FAM133A: variants seen among roughly 807,000 people sequenced by gnomAD.
The protein encoded by FAM133A is family with sequence similarity 133 member A, also known as protein FAM133A.
For missense variants in FAM133A, 159 were observed against 164.4 expected (o/e 0.97, Z 0.18); for synonymous variants, 65 against 58.6 (o/e 1.11, Z -0.50).
rs1260666515 is a variant in FAM133A, at chrX:93,679,738, G to GA, written c.-193+4989dup. On this transcript the variant is annotated intron_variant, in intron 2 of 3. Transcript: ENST00000683942. ...TCTCTTACCTCATTCCTGTCTAACT[G>GA]AAATGTGTCTTTTTTTTTTTTTTTT... Among the ~76,000 whole-genome samples the GA allele has an allele frequency of 3.2e-5, 3 of 95,235 alleles. No individual in the cohort carries two copies. The South Asian group carries it at 1.6e-3, about 52-fold the overall frequency. 82.7% of individuals were successfully genotyped at this position (95,235 alleles called of 115,157 possible).
rs376335726 is a variant in FAM133A, at chrX:93,679,915, ATTTTTTTTTTTTTTTTTTTTTTTTTTT to A, written c.-193+5180_-193+5206del. ...AGGTGTGTACCACCACTCCTGGCAA[ATTTTTTTTTTTTTTTTTTTTTTTTTTT>A]TTTTTTTTTTTTTTTTAGTAGAGAC... On this transcript the variant is annotated intron_variant, in intron 2 of 3. Coordinates refer to ENST00000683942, the MANE Select transcript of FAM133A (RefSeq NM_001171109.2). Among the ~76,000 whole-genome samples the A allele has an allele frequency of 1.3e-3, 80 of 62,415 alleles. 1 individual carries two copies. The highest frequency in any genetic ancestry group is 9.7e-3 in the Middle Eastern group (1 of 103). 54.2% of individuals were successfully genotyped at this position (62,415 alleles called of 115,157 possible). A position where few individuals can be genotyped will look rare whatever the true frequency, so the allele number is the denominator to read the frequency against.
rs1927438699 is a variant in FAM133A at position 93,711,416 on chromosome X, G to A, written c.*1250G>A. Reference sequence around the variant, plus strand: ...TGTGTCCGTATTTTCCTACAATTTGGTGCCTTGTATCTGTTGCTGATTCAC... The same window carrying A: ...TGTGTCCGTATTTTCCTACAATTTGATGCCTTGTATCTGTTGCTGATTCAC... On this transcript the variant is annotated 3_prime_UTR_variant, in exon 4 of 4. Coordinates refer to ENST00000683942, the MANE Select transcript of FAM133A (RefSeq NM_001171109.2). 1 of 122,317 alleles carries A rather than the reference G, an allele frequency of 8.2e-6. No individual in the cohort carries two copies. Among genetic ancestry groups the A allele is most frequent in the Non-Finnish European group, 1.9e-5 (1 of 53,015 alleles). The allele number at this position is 122,317 out of a possible 1,213,427, so 10.1% of individuals were successfully genotyped here.
Position 93,709,946 on chromosome X carries a change from T to G in FAM133A, c.527T>G (p.Leu176Arg), listed in dbSNP as rs775739043. The change falls in exon 4 of 4, where the codon CTC becomes CGC. Residue 176 changes from leucine to arginine, a missense_variant. Coordinates refer to ENST00000683942, the MANE Select transcript of FAM133A (RefSeq NM_001171109.2). Reference sequence around the variant, plus strand: ...GAGAAAGAAAAGGATGTAAGAAGCCTCAGCAAAAAAAGAAAGAAAAGTTAC... The same window carrying G: ...GAGAAAGAAAAGGATGTAAGAAGCCGCAGCAAAAAAAGAAAGAAAAGTTAC... ...ETEKEKDVRSLSKKRKKSYPD... is the reference protein window; with the variant it reads ...ETEKEKDVRSRSKKRKKSYPD... 8.4e-7 allele frequency: 1 copy of G among 1,184,823 alleles called. No homozygotes were observed.
chrX:93,678,259 T>C (rs1051640711), intron 2 of FAM133A, among the ~76,000 whole-genome samples: 4 of 112,061 alleles, frequency 3.6e-5, no homozygotes, highest in Non-Finnish European at 7.5e-5. Flanking sequence ...TTATATACTC[T>C]GGATGCAAGT....
At chrX:93,697,793 C>A (rs1926403175) in intron 2 of FAM133A, among the ~76,000 whole-genome samples, 1 of 111,571 alleles carries the variant, frequency 9.0e-6, no homozygotes, top group Middle Eastern at 4.2e-3. Flanking sequence ...TTAGGAATAG[C>A]TGTTTTTACT....
chrX:93,707,023 C>T (rs1927084655), intron 3 of FAM133A, among the ~76,000 whole-genome samples: 1 of 112,310 alleles, frequency 8.9e-6, no homozygotes, highest in Admixed American at 9.5e-5. Context: ...ACCACCTTAG[C>T]ATACCACCCA....
At chrX:93,693,789 A>G (rs762365392) in intron 2 of FAM133A, among the ~76,000 whole-genome samples, 13 of 111,813 alleles carry the variant, frequency 1.2e-4, no homozygotes, top group Non-Finnish European at 2.1e-4. Flanking sequence ...AATGTTTCTT[A>G]TAGAAGTTTT....
chrX:93,693,736 A>G (rs762341305), intron 2 of FAM133A, among the ~76,000 whole-genome samples: 1 of 111,578 alleles, frequency 9.0e-6, no homozygotes, highest in Admixed American at 9.5e-5. Context: ...GCATTCATCC[A>G]TGCATTTTAG....
chrX:93,687,706 C>T (rs1281911146), intron 2 of FAM133A, among the ~76,000 whole-genome samples: 1 of 111,089 alleles, frequency 9.0e-6, no homozygotes, highest in Non-Finnish European at 1.9e-5. Flanking sequence ...AATGCATTGT[C>T]GATAACTCTA....
At chrX:93,674,118 A>G (rs1162312914), upstream of FAM133A, 3 of 110,801 alleles carry the variant, frequency 2.7e-5, no homozygotes, top group Non-Finnish European at 5.7e-5. Context: ...GCATTTTTAC[A>G]CTGGATAAAA....
At chrX:93,677,808 T>A (rs966610955) in intron 2 of FAM133A, among the ~76,000 whole-genome samples, 1 of 112,208 alleles carries the variant, frequency 8.9e-6, no homozygotes, top group South Asian at 3.7e-4. Flanking sequence ...ATACTACAAT[T>A]TGTTGATGGG....
chrX:93,710,288 A>T lies in FAM133A; in HGVS notation c.*122A>T, dbSNP rs1927363555. On this transcript the variant is annotated 3_prime_UTR_variant, in exon 4 of 4. Transcript: ENST00000683942. ...GTAAGGGGCATAGTGGCTGCTGGCA[A>T]CTTCAATATACATTTTTGTTTGTTT... 1.3e-6 allele frequency: 1 copy of T among 742,771 alleles called. No individual in the cohort carries two copies. Among genetic ancestry groups the T allele is most frequent in the Admixed American group, 3.8e-5 (1 of 26,142 alleles). The allele number at this position is 742,771 out of a possible 1,213,427, so 61.2% of individuals were successfully genotyped here.
chrX:93,684,803 CAT>C (rs1925407020), intron 2 of FAM133A, among the ~76,000 whole-genome samples: 2 of 111,349 alleles, frequency 1.8e-5, no homozygotes, highest in Non-Finnish European at 3.8e-5. Flanking sequence ...TAATGAATAA[CAT>C]TGTTTGTTTA....
chrX:93,705,657 C>T (rs1189579388), intron 3 of FAM133A, among the ~76,000 whole-genome samples: 1 of 111,090 alleles, frequency 9.0e-6, no homozygotes, highest in Non-Finnish European at 1.9e-5. Flanking sequence ...CTTTTACCTC[C>T]TACCACCCTA....
At position 93,695,258 on chromosome X, in the gene FAM133A, G is replaced by GT. The variant is rs1378300125; in HGVS notation, c.-192-3129dup. On this transcript the variant is annotated intron_variant, in intron 2 of 3. Transcript: ENST00000683942. ...AATAACCTGAAGACATTTTGTTTTT[G>GT]TTTTTTTTTTCTGAGATGGAGTCTC... 6.1e-3 allele frequency among the ~76,000 whole-genome samples: 649 copies of GT among 105,987 alleles called. 2 individuals are homozygous for GT. Among genetic ancestry groups the GT allele is most frequent in the African/African-American group, 0.021 (610 of 29,328 alleles). The allele number at this position is 105,987 out of a possible 115,157, so 92.0% of individuals were successfully genotyped here. A position where few individuals can be genotyped will look rare whatever the true frequency, so the allele number is the denominator to read the frequency against.
chrX:93,686,797 T>C (rs969051230), intron 2 of FAM133A, among the ~76,000 whole-genome samples: 3 of 112,559 alleles, frequency 2.7e-5, no homozygotes, highest in Non-Finnish European at 5.6e-5. Flanking sequence ...TTCCAATATC[T>C]AATGTACAAA....
intron 3 of FAM133A, among the ~76,000 whole-genome samples, chrX:93,706,690 G>A (rs921244406): frequency 1.8e-5 from 2 of 111,589 alleles, no homozygotes; most frequent in Admixed American, 9.5e-5. Context: ...AATGTGTCGA[G>A]CCAGAGCCTT....
At chrX:93,706,572 A>T (rs757098090) in intron 3 of FAM133A, among the ~76,000 whole-genome samples, 2 of 111,813 alleles carry the variant, frequency 1.8e-5, no homozygotes, top group Admixed American at 1.9e-4. Flanking sequence ...TTGTCCATAA[A>T]TCTCATAGGC....
chrX:93,685,780 G>A (rs890292012), intron 2 of FAM133A, among the ~76,000 whole-genome samples: 1 of 111,019 alleles, frequency 9.0e-6, no homozygotes. Flanking sequence ...CCAACCTCAA[G>A]CTCTCTTGCT....
Sources: gnomAD v4.1 joint callset for allele counts (sites outside exome capture counted in the v4.1 genomes callset) on GRCh38, gnomAD v4.1.1 for gene constraint, MANE v1.5 for transcripts, NCBI Gene and HGNC (gene_info 2026-07-23, HGNC 2026-07-21) for gene names.